PTPRD: variants seen among roughly 807,000 people sequenced by gnomAD.
PTPRD encodes the protein protein tyrosine phosphatase receptor type D, also known as receptor-type tyrosine-protein phosphatase delta.
A neutral mutation model predicts 214.5 loss-of-function variants in PTPRD; 34 were observed. The observed-to-expected ratio is 0.16, with a 90% confidence interval of 0.12 to 0.21. The LOEUF (loss-of-function observed/expected upper bound fraction) is 0.21. Among genes scored for constraint, PTPRD ranks in the 10% least tolerant of loss-of-function variants. The pLI, the probability that PTPRD is intolerant of heterozygous loss-of-function variation, is 1.00. For missense variants in PTPRD, 2,545 were observed against 2,398.7 expected (o/e 1.06, Z -1.27); for synonymous variants, 1,128 against 845.7 (o/e 1.33, Z -5.79).
At chr9:9,088,148 C>A (rs1431427879) in intron 10 of PTPRD, among the ~76,000 whole-genome samples, 1 of 151,100 alleles carries the variant, frequency 6.6e-6, no homozygotes, top group Non-Finnish European at 1.5e-5. Flanking sequence ...TTCCAAAGTG[C>A]TAGGATTACA....
chr9:10,132,979 G>A (rs2098910358), intron 3 of PTPRD, among the ~76,000 whole-genome samples: 1 of 152,132 alleles, frequency 6.6e-6, no homozygotes, highest in Non-Finnish European at 1.5e-5. Flanking sequence ...CTTCTGCCTT[G>A]GCATTGTCTC....
rs1021053004 is a variant in PTPRD, at chr9:9,934,636, C to A, written c.-368+3871G>T. 6.8e-4 allele frequency among the ~76,000 whole-genome samples: 102 copies of A among 150,258 alleles called. 1 individual carries two copies. The highest frequency in any genetic ancestry group is 2.5e-3 in the African/African-American group (100 of 40,620). Reference sequence around the variant, plus strand: ...GACCAGATGGATTCACAGCTGAATTCTCGCAGAGGTACAAGGAGGAACTGG... The same window carrying A: ...GACCAGATGGATTCACAGCTGAATTATCGCAGAGGTACAAGGAGGAACTGG... On this transcript the variant is annotated intron_variant, in intron 5 of 45. Transcript: ENST00000381196.
rs1589319532 is a variant in PTPRD at position 10,031,919 on chromosome 9, T to A, written c.-472+1799A>T. Reference sequence around the variant, plus strand: ...TTTGAATTGGTTCAGCAGTATTAGGTTTTGAATGAGAAGTCCCAAATAAGT... The same window carrying A: ...TTTGAATTGGTTCAGCAGTATTAGGATTTGAATGAGAAGTCCCAAATAAGT... On this transcript the variant is annotated intron_variant, in intron 4 of 45. Coordinates refer to ENST00000381196, the MANE Select transcript of PTPRD (RefSeq NM_002839.4). Among the ~76,000 whole-genome samples, 4 of 152,054 alleles carry A rather than the reference T, an allele frequency of 2.6e-5. No homozygotes were observed. The South Asian group carries it at 8.3e-4, about 32-fold the overall frequency.
rs573376970 is a variant in PTPRD, at chr9:10,279,010, G to T, written c.-545+61953C>A. ...AGGATGATCTCGATCTCCTGGCCTC[G>T]TGATCTGCCCGCCTTGGCCTCCCAA... On this transcript the variant is annotated intron_variant, in intron 3 of 45. Coordinates refer to ENST00000381196, the MANE Select transcript of PTPRD (RefSeq NM_002839.4). 3.3e-5 allele frequency among the ~76,000 whole-genome samples: 5 copies of T among 152,214 alleles called. No homozygotes were observed. The East Asian group carries it at 7.8e-4, about 24-fold the overall frequency.
At chr9:8,787,804 C>G (rs1373934372) in intron 11 of PTPRD, among the ~76,000 whole-genome samples, 4 of 152,106 alleles carry the variant, frequency 2.6e-5, no homozygotes, top group African/African-American at 9.7e-5. Flanking sequence ...TCTGCCCCAG[C>G]AACACAACTC....
chr9:8,878,245 C>T (rs2098411895), intron 11 of PTPRD, among the ~76,000 whole-genome samples: 2 of 152,140 alleles, frequency 1.3e-5, no homozygotes, highest in Non-Finnish European at 2.9e-5. Context: ...AATTGGTCCA[C>T]AACATGTCCT....
intron 5 of PTPRD, among the ~76,000 whole-genome samples, chr9:9,861,081 T>G (rs768751618): frequency 6.6e-6 from 1 of 152,168 alleles, no homozygotes; most frequent in South Asian, 2.1e-4. Flanking sequence ...AACAGTAAAA[T>G]GAATCCCAGT....
At chr9:8,331,516 A>T (rs2131623962) in intron 44 of PTPRD, 66 bp downstream of exon 44, 1 of 1,556,054 alleles carries the variant, frequency 6.4e-7, no homozygotes, top group Non-Finnish European at 8.7e-7. Context: ...TTACTACAAA[A>T]AGTGTATACA....
intron 4 of PTPRD, among the ~76,000 whole-genome samples, chr9:9,973,922 G>A (rs1028028552): frequency 2.6e-5 from 4 of 152,132 alleles, no homozygotes; most frequent in African/African-American, 9.7e-5. Context: ...GTGATCACAA[G>A]CTTTCTATAC....
intron 10 of PTPRD, among the ~76,000 whole-genome samples, chr9:9,083,849 C>G (rs113548695): frequency 4.8e-4 from 73 of 152,156 alleles, no homozygotes; most frequent in African/African-American, 1.6e-3. Context: ...AAAACCACAA[C>G]AAGACACCAT....
At chr9:9,931,767 G>A (rs1357180298) in intron 5 of PTPRD, among the ~76,000 whole-genome samples, 2 of 151,794 alleles carry the variant, frequency 1.3e-5, no homozygotes, top group South Asian at 4.2e-4. Context: ...CTCCACCTCT[G>A]GGGGCAGGGC....
intron 8 of PTPRD, among the ~76,000 whole-genome samples, chr9:9,530,670 A>G (rs1338542826): frequency 6.6e-6 from 1 of 152,312 alleles, no homozygotes; most frequent in Non-Finnish European, 1.5e-5. Flanking sequence ...TGTGTGTCAC[A>G]CACAATGACA....
At chr9:9,245,354 GA>G (rs2099972529) in intron 9 of PTPRD, among the ~76,000 whole-genome samples, 2 of 152,084 alleles carry the variant, frequency 1.3e-5, no homozygotes, top group Admixed American at 1.3e-4. Context: ...CAATAGTAAA[GA>G]CTTGGAACCA....
At chr9:10,420,643 A>G (rs137980131) in intron 2 of PTPRD, among the ~76,000 whole-genome samples, 1 of 151,852 alleles carries the variant, frequency 6.6e-6, no homozygotes, top group Non-Finnish European at 1.5e-5. Context: ...ATTTTCTTAT[A>G]CCGAATTCTC....
chr9:8,686,721 T>C (rs1005259367), intron 12 of PTPRD, among the ~76,000 whole-genome samples: 1 of 152,080 alleles, frequency 6.6e-6, no homozygotes, highest in Non-Finnish European at 1.5e-5. Flanking sequence ...GGTTACCAAA[T>C]ACCAAAATGA....
intron 11 of PTPRD, among the ~76,000 whole-genome samples, chr9:8,980,354 AG>A (rs1161307379): frequency 6.6e-6 from 1 of 152,020 alleles, no homozygotes; most frequent in Non-Finnish European, 1.5e-5. Context: ...GTATTATATT[AG>A]GGATTTAAAA....
intron 7 of PTPRD, among the ~76,000 whole-genome samples, chr9:9,715,137 A>G (rs1053988383): frequency 6.6e-6 from 1 of 152,162 alleles, no homozygotes; most frequent in African/African-American, 2.4e-5. Context: ...ACTTTATGTC[A>G]CTGGACTTCA....
intron 11 of PTPRD, among the ~76,000 whole-genome samples, chr9:8,810,906 G>C (rs1371332603): frequency 6.6e-6 from 1 of 152,138 alleles, no homozygotes; most frequent in South Asian, 2.1e-4. Context: ...CCTTTCCCTT[G>C]TTGGCTATGA....
rs766640904 is a variant in PTPRD at position 9,653,414 on chromosome 9, G to C, written c.-286-78633C>G. ...GCCTCATTCTCATTTTACGCCTAAA[G>C]AAAATATAATGGTTAGCAAATATAG... On this transcript the variant is annotated intron_variant, in intron 7 of 45. Coordinates refer to ENST00000381196, the MANE Select transcript of PTPRD (RefSeq NM_002839.4). Among the ~76,000 whole-genome samples, 5 of 65,944 alleles carry C rather than the reference G, an allele frequency of 7.6e-5. No individual in the cohort carries two copies. In the Admixed American group the frequency reaches 8.8e-4, roughly 12 times the overall value. The allele number at this position is 65,944 out of a possible 152,430, so 43.3% of individuals were successfully genotyped here. A position where few individuals can be genotyped will look rare whatever the true frequency, so the allele number is the denominator to read the frequency against.
Sources: allele counts gnomAD v4.1 joint callset (sites outside exome capture counted in the v4.1 genomes callset), GRCh38; gene constraint gnomAD v4.1.1; transcripts MANE v1.5; gene names NCBI Gene and HGNC (gene_info 2026-07-23, HGNC 2026-07-21).